Variants in TNPO3 observed in about 807,000 individuals in gnomAD.
TNPO3 encodes the protein transportin-3.
Under a neutral mutation model 122.8 loss-of-function variants are expected in TNPO3, and 65 were observed. That is an observed-to-expected ratio of 0.53 (90% CI 0.43 to 0.65). TNPO3 has a LOEUF of 0.65. Among genes scored for constraint, TNPO3 ranks in the 30% least tolerant of loss-of-function variants. The pLI, the probability that TNPO3 is intolerant of heterozygous loss-of-function variation, is 0.00. For missense variants in TNPO3, 850 were observed against 1,136.7 expected (o/e 0.75, Z 3.63); for synonymous variants, 372 against 411.2 (o/e 0.90, Z 1.15).
At chr7:129,043,831 G>T (rs550987963) in intron 1 of TNPO3, among the ~76,000 whole-genome samples, 134 of 152,308 alleles carry the variant, frequency 8.8e-4, no homozygotes, top group African/African-American at 2.8e-3. Context: ...TTTAAAAATA[G>T]AAAATGCCAA....
At chr7:128,977,966 G>A (rs781278078) in intron 16 of TNPO3, among the ~76,000 whole-genome samples, 1 of 152,154 alleles carries the variant, frequency 6.6e-6, no homozygotes, top group Non-Finnish European at 1.5e-5. Flanking sequence ...CTCCCTAGGT[G>A]GAGCATGGTC....
At chr7:128,988,961 C>T (rs1314808239) in intron 11 of TNPO3, among the ~76,000 whole-genome samples, 1 of 152,026 alleles carries the variant, frequency 6.6e-6, no homozygotes, top group Non-Finnish European at 1.5e-5. Flanking sequence ...CTTGTAATCC[C>T]AGCTACTTGG....
At position 128,957,228 on chromosome 7, in the gene TNPO3, G is replaced by A. The variant is rs745334283; in HGVS notation, c.*27C>T. 8.7e-6 allele frequency: 14 copies of A among 1,613,780 alleles called. No homozygotes were observed. Among genetic ancestry groups the A allele is most frequent in the Non-Finnish European group, 1.1e-5 (13 of 1,179,686 alleles). On this transcript the variant is annotated 3_prime_UTR_variant, in exon 22 of 23. Coordinates refer to ENST00000265388, the MANE Select transcript of TNPO3 (RefSeq NM_012470.4). ...CTGGGAACTATGTATCCTCACCTGG[G>A]TGACAGGCACAGTGCAGGAGTGTGA...
chr7:129,053,775 A>T (rs1239886815), intron 1 of TNPO3, among the ~76,000 whole-genome samples: 1 of 152,246 alleles, frequency 6.6e-6, no homozygotes, highest in Non-Finnish European at 1.5e-5. Context: ...TTTAAAGTAC[A>T]TCCTACATTA....
chr7:128,969,707 G>T (rs1798269748), intron 20 of TNPO3, among the ~76,000 whole-genome samples: 1 of 152,212 alleles, frequency 6.6e-6, no homozygotes, highest in Non-Finnish European at 1.5e-5. Context: ...ACTGTACATT[G>T]TGGGTTACTT....
At chr7:129,009,313 TA>T in intron 4 of TNPO3, among the ~76,000 whole-genome samples, 1 of 152,246 alleles carries the variant, frequency 6.6e-6, no homozygotes, top group East Asian at 1.9e-4. Context: ...AGTATAATAC[TA>T]ACAAGAAATA....
chr7:128,957,400 A>T, intron 21 of TNPO3, 85 bp from the exon 22 acceptor site: 1 of 1,367,836 alleles, frequency 7.3e-7, no homozygotes, highest in Non-Finnish European at 1.0e-6. Context: ...GGGCACACTG[A>T]GAACCGTCCC....
intron 21 of TNPO3, among the ~76,000 whole-genome samples, chr7:128,958,651 T>G (rs967921066): frequency 6.6e-6 from 1 of 152,202 alleles, no homozygotes; most frequent in African/African-American, 2.4e-5. Flanking sequence ...TACATCCAGA[T>G]TTCCCCATCC....
chr7:128,989,869 CA>C (rs1228101994), intron 11 of TNPO3, 91 bp downstream of exon 11: 1 of 1,460,400 alleles, frequency 6.8e-7, no homozygotes, highest in East Asian at 2.3e-5. Context: ...GTTAAAAAAA[CA>C]GAAAGGAAAA....
Position 128,984,161 on chromosome 7 carries a change from G to T in TNPO3, c.1782+7C>A. The T allele has an allele frequency of 6.4e-7, 1 of 1,563,592 alleles. No individual in the cohort carries two copies. The highest frequency in any genetic ancestry group is 1.2e-5 in the South Asian group (1 of 82,950). On this transcript the variant is annotated splice_region_variant and intron_variant, in intron 13 of 22. Transcript: ENST00000265388. ...ATTTGTTTCACACCTTCCTTAATTG[G>T]ACTTACCTTTTTCAATGCCATAACC...
intron 21 of TNPO3, among the ~76,000 whole-genome samples, chr7:128,961,529 C>G (rs897066090): frequency 6.6e-6 from 1 of 152,138 alleles, no homozygotes; most frequent in Non-Finnish European, 1.5e-5. Context: ...GGAACATATC[C>G]CCATCATTAA....
intron 1 of TNPO3, among the ~76,000 whole-genome samples, chr7:129,035,950 CTTTTTTTTT>C (rs71162551): frequency 8.3e-6 from 1 of 119,938 alleles, no homozygotes; most frequent in African/African-American, 3.0e-5. Context: ...CTTTTCTTTT[CTTTTTTTTT>C]TTTTTTTTTT....
intron 6 of TNPO3, among the ~76,000 whole-genome samples, chr7:129,000,792 A>G (rs559474231): frequency 1.5e-4 from 23 of 152,366 alleles, no homozygotes; most frequent in African/African-American, 5.5e-4. Flanking sequence ...AAACATTTGA[A>G]TAAAAACTCC....
At chr7:129,002,931 T>C (rs1467139987) in intron 5 of TNPO3, among the ~76,000 whole-genome samples, 1 of 148,212 alleles carries the variant, frequency 6.7e-6, no homozygotes. Flanking sequence ...TCCCAGCTAC[T>C]GAGGAGGCTG....
intron 11 of TNPO3, among the ~76,000 whole-genome samples, chr7:128,987,552 T>C (rs1338695351): frequency 6.6e-6 from 1 of 152,172 alleles, no homozygotes; most frequent in Non-Finnish European, 1.5e-5. Flanking sequence ...AAATCAGATT[T>C]TTTTTCTATA....
At chr7:128,986,991 G>A in intron 11 of TNPO3, 71 bp from the exon 12 acceptor site, 2 of 1,445,408 alleles carry the variant, frequency 1.4e-6, no homozygotes, top group Non-Finnish European at 9.2e-7. Flanking sequence ...TTAAAACAGA[G>A]GTATACTTGC....
intron 22 of TNPO3, among the ~76,000 whole-genome samples, chr7:128,956,871 G>A (rs1248314323): frequency 2.6e-5 from 4 of 152,198 alleles, no homozygotes; most frequent in African/African-American, 4.8e-5. Flanking sequence ...GGTTGTTTTC[G>A]CCAAAGTGGC....
intron 16 of TNPO3, among the ~76,000 whole-genome samples, chr7:128,978,599 T>A (rs1288326002): frequency 2.6e-5 from 4 of 152,226 alleles, no homozygotes; most frequent in African/African-American, 7.2e-5. Context: ...TTTTTTAGTT[T>A]GTTAATAAAT....
At position 128,970,378 on chromosome 7, in the gene TNPO3, C is replaced by T. The variant is rs886570148; in HGVS notation, c.2431-63G>A. ...GTCTCAACTTCCCAAAGACCAAGCA[C>T]TCTTTCCCCTTTAGTAATTTCTCTT... On this transcript the variant is annotated intron_variant, in intron 19 of 22. Coordinates refer to ENST00000265388, the MANE Select transcript of TNPO3 (RefSeq NM_012470.4). 2.3e-5 allele frequency: 33 copies of T among 1,462,586 alleles called. No individual in the cohort carries two copies. In the Middle Eastern group the frequency reaches 1.1e-3, roughly 48 times the overall value. The allele number at this position is 1,462,586 out of a possible 1,614,324, so 90.6% of individuals were successfully genotyped here. A position where few individuals can be genotyped will look rare whatever the true frequency, so the allele number is the denominator to read the frequency against.
Sources: gnomAD v4.1 joint callset for allele counts (sites outside exome capture counted in the v4.1 genomes callset) on GRCh38, gnomAD v4.1.1 for gene constraint, MANE v1.5 for transcripts, NCBI Gene and HGNC (gene_info 2026-07-23, HGNC 2026-07-21) for gene names.